The following MYPN variants were observed in gnomAD, a reference collection of about 807,000 sequenced individuals.
The protein encoded by MYPN is myopalladin, also known as sarcomeric protein myopalladin, 145 kDa (MYOP).
In MYPN, 63 loss-of-function variants were observed where a neutral mutation model predicts 129.4. The observed-to-expected ratio is 0.49, with a 90% confidence interval of 0.40 to 0.60. MYPN has a LOEUF of 0.60. MYPN is among the 20% of genes least tolerant of loss of function. MYPN has a pLI of 0.00. For synonymous variants in MYPN, 629 were observed against 600.9 expected, an observed-to-expected ratio of 1.05 and a Z score of -0.68; for missense variants, 1,596 against 1,635.4, an observed-to-expected ratio of 0.98 and a Z score of 0.42.
At chr10:68,098,470 A>G (rs1424907446) in intron 1 of MYPN, among the ~76,000 whole-genome samples, 1 of 152,176 alleles carries the variant, frequency 6.6e-6, no homozygotes, top group Non-Finnish European at 1.5e-5. Flanking sequence ...CAAATGACAA[A>G]CAGGCAGTCC....
chr10:68,169,073 T>C (rs140367500), intron 10 of MYPN, among the ~76,000 whole-genome samples: 104 of 136,596 alleles, frequency 7.6e-4, no homozygotes, highest in African/African-American at 2.9e-3. Context: ...CGGCCAGGCA[T>C]GGTGGCTCAT....
At chr10:68,189,188 A>G in intron 13 of MYPN, 62 bp downstream of exon 13, 4 of 1,193,092 alleles carry the variant, frequency 3.4e-6, no homozygotes, top group Non-Finnish European at 5.0e-6. Flanking sequence ...AGTGCCTTCA[A>G]GAAGGTCTTT....
intron 10 of MYPN, among the ~76,000 whole-genome samples, chr10:68,170,941 G>C (rs1439721745): frequency 6.6e-6 from 1 of 152,038 alleles, no homozygotes; most frequent in African/African-American, 2.4e-5. Flanking sequence ...TTGAGGTCAG[G>C]AGTTCTAGAC....
intron 12 of MYPN, among the ~76,000 whole-genome samples, chr10:68,177,169 A>G (rs2043239993): frequency 6.6e-6 from 1 of 152,232 alleles, no homozygotes; most frequent in Non-Finnish European, 1.5e-5. Flanking sequence ...GTTACCTGAC[A>G]TGTGTGTACA....
chr10:68,120,098 T>A (rs959503915), intron 1 of MYPN, among the ~76,000 whole-genome samples: 2 of 152,196 alleles, frequency 1.3e-5, no homozygotes, highest in East Asian at 1.9e-4. Flanking sequence ...TGGCAAATAG[T>A]CTTCATCTCC....
At chr10:68,113,939 C>T (rs2042116999) in intron 1 of MYPN, among the ~76,000 whole-genome samples, 1 of 152,076 alleles carries the variant, frequency 6.6e-6, no homozygotes, top group Non-Finnish European at 1.5e-5. Context: ...TTCAAGAATA[C>T]ATTACATTAT....
intron 13 of MYPN, among the ~76,000 whole-genome samples, chr10:68,189,999 AGGGTTCCCCTTTCTCC>A (rs2043485900): frequency 6.6e-6 from 1 of 151,956 alleles, no homozygotes; most frequent in Non-Finnish European, 1.5e-5. Context: ...ACAGTGTATG[AGGGTTCCCCTTTCTCC>A]GCATCCTCAC....
chr10:68,157,863 A>C (rs571565818), intron 6 of MYPN, among the ~76,000 whole-genome samples: 3 of 110,232 alleles, frequency 2.7e-5, no homozygotes, highest in Admixed American at 1.8e-4. Context: ...AACAAACAAA[A>C]AAAAACACCC....
At chr10:68,184,320 G>A (rs1196057685) in intron 12 of MYPN, among the ~76,000 whole-genome samples, 1 of 152,188 alleles carries the variant, frequency 6.6e-6, no homozygotes, top group South Asian at 2.1e-4. Context: ...TAGGAACAAG[G>A]GCCATTCGTA....
chr10:68,156,154 T>C (rs1018985191), intron 6 of MYPN, among the ~76,000 whole-genome samples: 1 of 152,212 alleles, frequency 6.6e-6, no homozygotes, highest in African/African-American at 2.4e-5. Context: ...TTTCATTTAC[T>C]CAACCCCTTC....
chr10:68,165,495 T>C (rs1430459108), intron 8 of MYPN: 1 of 657,016 alleles, frequency 1.5e-6, no homozygotes. Flanking sequence ...CCTGTCTGCA[T>C]GGAGTTATTG....
At chr10:68,159,689 A>G (rs2042941045) in intron 7 of MYPN, among the ~76,000 whole-genome samples, 1 of 84,964 alleles carries the variant, frequency 1.2e-5, no homozygotes, top group Middle Eastern at 4.7e-3. Flanking sequence ...ATGTAGAGCA[A>G]TCATATGATA....
chr10:68,169,170 T>C (rs1358673459), intron 10 of MYPN, among the ~76,000 whole-genome samples: 4 of 103,594 alleles, frequency 3.9e-5, no homozygotes, highest in African/African-American at 1.3e-4. Flanking sequence ...ACGGTGAAAC[T>C]CCGTCTCTAC....
chr10:68,115,773 C>T lies in MYPN; in HGVS notation c.-1-5665C>T, dbSNP rs948177058. ...AGACCTTAAATGATCTGGCCTTGAA[C>T]CTTTCTGCCCTCATTTTCTTTGGCT... On this transcript the variant is annotated intron_variant, in intron 1 of 19. Coordinates refer to ENST00000358913, the MANE Select transcript of MYPN (RefSeq NM_032578.4). 3.9e-5 allele frequency among the ~76,000 whole-genome samples: 6 copies of T among 152,296 alleles called. No individual in the cohort carries two copies. The South Asian group carries it at 1.0e-3, about 26-fold the overall frequency.
At chr10:68,112,332 A>G (rs2133966652) in intron 1 of MYPN, among the ~76,000 whole-genome samples, 1 of 152,288 alleles carries the variant, frequency 6.6e-6, no homozygotes, top group Non-Finnish European at 1.5e-5. Context: ...GCGCTTCCCT[A>G]CATGTTTGTC....
At chr10:68,161,662 C>A (rs927690929) in intron 7 of MYPN, 67 bp from the exon 8 acceptor site, 3 of 1,276,384 alleles carry the variant, frequency 2.4e-6, no homozygotes, top group Admixed American at 3.5e-5. Flanking sequence ...CTATAGGAAG[C>A]TTCTGATGAA....
At chr10:68,200,757 CAA>C (rs992918472) in intron 17 of MYPN, among the ~76,000 whole-genome samples, 1 of 143,276 alleles carries the variant, frequency 7.0e-6, no homozygotes. Flanking sequence ...GACTCCATCT[CAA>C]AAAAAAAAAG....
At chr10:68,190,360 T>C (rs1196501606) in intron 13 of MYPN, among the ~76,000 whole-genome samples, 1 of 152,156 alleles carries the variant, frequency 6.6e-6, no homozygotes, top group Non-Finnish European at 1.5e-5. Flanking sequence ...CTAATTTTTG[T>C]ATTTTTAGTA....
Position 68,158,462 on chromosome 10 carries a change from A to T in MYPN, c.1318-24A>T, listed in dbSNP as rs763231028. On this transcript the variant is annotated intron_variant, in intron 6 of 19. Coordinates refer to ENST00000358913, the MANE Select transcript of MYPN (RefSeq NM_032578.4). ...CAAAAATGTGTACTTTTTTGTTCTA[A>T]CTACATTCTTCTTATCATTATAGAT... is the stretch of plus-strand genomic sequence containing the variant. The T allele has an allele frequency of 1.9e-6, 3 of 1,609,894 alleles. No individual in the cohort carries two copies. In the South Asian group the frequency reaches 3.3e-5, roughly 18 times the overall value.
Sources: gnomAD v4.1 joint callset for allele counts (sites outside exome capture counted in the v4.1 genomes callset) on GRCh38, gnomAD v4.1.1 for gene constraint, MANE v1.5 for transcripts, NCBI Gene and HGNC (gene_info 2026-07-23, HGNC 2026-07-21) for gene names.